The following RIMS2 variants were observed in gnomAD, a reference collection of about 807,000 sequenced individuals.
RIMS2 encodes the protein regulating synaptic membrane exocytosis 2, also known as regulating synaptic membrane exocytosis protein 2.
Under a neutral mutation model 174.4 loss-of-function variants are expected in RIMS2, and 59 were observed. The observed-to-expected ratio is 0.34, with a 90% CI of 0.27 to 0.42. RIMS2 has a LOEUF of 0.42. Ranked by LOEUF, RIMS2 falls within the 10% of genes least tolerant of loss-of-function variation. The probability of loss-of-function intolerance (pLI) is 1.00; values close to 1 mark genes in which losing one functional copy is unlikely to be tolerated. For synonymous variants in RIMS2, 606 were observed against 572.5 expected (o/e 1.06, Z -0.84); for missense variants, 1,620 against 1,666.3 (o/e 0.97, Z 0.48).
At chr8:103,907,818 T>G (rs1354286901) in intron 4 of RIMS2, among the ~76,000 whole-genome samples, 1 of 151,718 alleles carries the variant, frequency 6.6e-6, no homozygotes, top group Non-Finnish European at 1.5e-5. Flanking sequence ...CGCTCCCGGC[T>G]CACTGCAAGT....
intron 1 of RIMS2, among the ~76,000 whole-genome samples, chr8:103,633,192 A>ATTTTTTTTTTTTTTTTTTTTTT (rs150376641): frequency 7.4e-6 from 1 of 134,928 alleles, no homozygotes; most frequent in Non-Finnish European, 1.6e-5. Flanking sequence ...ACGCCCGGCT[A>ATTTTTTTTTTTTTTTTTTTTTT]TTTTTTTTTT....
chr8:103,932,360 A>G (rs1178588521), intron 12 of RIMS2, among the ~76,000 whole-genome samples: 1 of 152,248 alleles, frequency 6.6e-6, no homozygotes. Flanking sequence ...ACAAAAGAAT[A>G]GACAATGAAC....
intron 15 of RIMS2, among the ~76,000 whole-genome samples, chr8:103,964,558 G>T (rs7357464): frequency 0.23 from 34,538 of 151,794 alleles, 4,148 homozygotes; most frequent in Non-Finnish European, 0.24. Context: ...TGTATATTTT[G>T]GACAACAGTC....
chr8:103,840,961 A>G (rs2098936186), intron 3 of RIMS2, among the ~76,000 whole-genome samples: 1 of 152,208 alleles, frequency 6.6e-6, no homozygotes, highest in African/African-American at 2.4e-5. Flanking sequence ...AATGTATAAA[A>G]GCTTCCTGCA....
chr8:103,887,789 G>A (rs1425839990), intron 4 of RIMS2, among the ~76,000 whole-genome samples: 1 of 151,438 alleles, frequency 6.6e-6, no homozygotes, highest in Non-Finnish European at 1.5e-5. Context: ...AATAAAAAAT[G>A]TGATATAAAA....
chr8:103,568,637 A>C (rs1178001008), intron 1 of RIMS2: 1 of 612,680 alleles, frequency 1.6e-6, no homozygotes, highest in Non-Finnish European at 3.1e-6. Flanking sequence ...CAGCAAGTGC[A>C]CTTTGTATCT....
At chr8:103,551,420 C>A (rs887997055) in intron 1 of RIMS2, among the ~76,000 whole-genome samples, 1 of 152,274 alleles carries the variant, frequency 6.6e-6, no homozygotes, top group South Asian at 2.1e-4. Flanking sequence ...TAAAAACTCT[C>A]AATAAACTAG....
chr8:103,899,037 C>T (rs1316537648), intron 4 of RIMS2, among the ~76,000 whole-genome samples: 1 of 151,652 alleles, frequency 6.6e-6, no homozygotes, highest in East Asian at 1.9e-4. Flanking sequence ...CATGTCCCTA[C>T]AAAGGACATG....
intron 19 of RIMS2, among the ~76,000 whole-genome samples, chr8:104,053,117 A>G (rs1325343803): frequency 6.6e-6 from 1 of 152,196 alleles, no homozygotes; most frequent in African/African-American, 2.4e-5. Flanking sequence ...ATGTTTTACA[A>G]TATCCATTTA....
At chr8:104,226,480 T>C (rs937851638) in intron 19 of RIMS2, among the ~76,000 whole-genome samples, 2 of 152,166 alleles carry the variant, frequency 1.3e-5, no homozygotes, top group African/African-American at 4.8e-5. Flanking sequence ...TTCAAAAATA[T>C]TTATTGGGGG....
chr8:103,830,191 T>G (rs75420948), intron 3 of RIMS2, among the ~76,000 whole-genome samples: 1 of 152,064 alleles, frequency 6.6e-6, no homozygotes, highest in African/African-American at 2.4e-5. Flanking sequence ...TTTGATTTTG[T>G]TACTTTTCTC....
At chr8:103,698,036 T>C (rs978116201) in intron 2 of RIMS2, among the ~76,000 whole-genome samples, 2 of 152,234 alleles carry the variant, frequency 1.3e-5, no homozygotes, top group Non-Finnish European at 2.9e-5. Flanking sequence ...ACTAATCTTA[T>C]CACCTACTTA....
At chr8:103,503,343 T>C (rs1487113161) in intron 1 of RIMS2, among the ~76,000 whole-genome samples, 1 of 151,988 alleles carries the variant, frequency 6.6e-6, no homozygotes, top group Non-Finnish European at 1.5e-5. Flanking sequence ...GAATAGACTT[T>C]ATAATGGAAT....
chr8:104,120,894 G>T (rs1448892961), intron 19 of RIMS2, among the ~76,000 whole-genome samples: 4 of 152,096 alleles, frequency 2.6e-5, no homozygotes, highest in Non-Finnish European at 4.4e-5. Flanking sequence ...AATCCTGAAA[G>T]AAATAAACAT....
intron 1 of RIMS2, among the ~76,000 whole-genome samples, chr8:103,570,832 G>T (rs186835117): frequency 6.6e-6 from 1 of 152,224 alleles, no homozygotes; most frequent in East Asian, 1.9e-4. Context: ...TAAGTAGGGA[G>T]AACTCAATAT....
At chr8:103,825,007 C>T (rs916475836) in intron 3 of RIMS2, among the ~76,000 whole-genome samples, 2 of 152,112 alleles carry the variant, frequency 1.3e-5, no homozygotes, top group East Asian at 1.9e-4. Flanking sequence ...GGGTCTGCTG[C>T]TTACTGGCTA....
At chr8:103,792,913 C>G (rs1043808464) in intron 3 of RIMS2, among the ~76,000 whole-genome samples, 1 of 152,150 alleles carries the variant, frequency 6.6e-6, no homozygotes, top group Non-Finnish European at 1.5e-5. Context: ...AGACCAATAA[C>G]AGGCTCTGAA....
At chr8:103,825,991 A>G (rs1350191920) in intron 3 of RIMS2, among the ~76,000 whole-genome samples, 2 of 151,962 alleles carry the variant, frequency 1.3e-5, no homozygotes, top group African/African-American at 4.8e-5. Context: ...TCCTCTTATG[A>G]TAATTTTATT....
chr8:104,105,345 A>G (rs983836382), intron 19 of RIMS2, among the ~76,000 whole-genome samples: 11 of 152,196 alleles, frequency 7.2e-5, no homozygotes, highest in Non-Finnish European at 1.0e-4. Flanking sequence ...AAGGATAAGT[A>G]TTTGTTACTA....
Sources: allele counts gnomAD v4.1 joint callset (sites outside exome capture counted in the v4.1 genomes callset), GRCh38; gene constraint gnomAD v4.1.1; transcripts MANE v1.5; gene names NCBI Gene and HGNC (gene_info 2026-07-23, HGNC 2026-07-21).